Variants in KCNN1 observed in about 807,000 individuals in gnomAD.
KCNN1 encodes small conductance calcium-activated potassium channel protein 1.
Under a neutral mutation model 44.7 loss-of-function variants are expected in KCNN1, and 20 were observed. The observed-to-expected ratio is 0.45, with a 90% CI of 0.32 to 0.65. The LOEUF is 0.65. Among genes scored for constraint, KCNN1 ranks in the 30% least tolerant of loss-of-function variants. The pLI, the probability that KCNN1 is intolerant of heterozygous loss-of-function variation, is 0.05. For missense variants in KCNN1, 632 were observed against 785.3 expected (o/e 0.80, Z 2.33); for synonymous variants, 324 against 341.7 (o/e 0.95, Z 0.57).
chr19:17,980,364 G>T (rs540466887), intron 3 of KCNN1, among the ~76,000 whole-genome samples: 1 of 151,206 alleles, frequency 6.6e-6, no homozygotes, highest in African/African-American at 2.4e-5. Flanking sequence ...TTACAGGCAG[G>T]AGCCACTGCA....
At position 17,983,591 on chromosome 19, in the gene KCNN1, T is replaced by TG. The variant is rs1287106570; in HGVS notation, c.917+1471dup. On this transcript the variant is annotated intron_variant, in intron 4 of 9. Transcript: ENST00000684775. This position sits in a 1 kb window ranked among gnomAD's most constrained non-coding sequence, Gnocchi z 4.5. ...TCCAAGCTGGGTCCTTGCAGGGCTC[T>TG]GGGGGGGTGGGGCACGGGGCAGGGC... is the stretch of plus-strand genomic sequence containing the variant. Among the ~76,000 whole-genome samples the TG allele has an allele frequency of 5.4e-5, 8 of 148,026 alleles. No individual in the cohort carries two copies. The highest frequency in any genetic ancestry group is 2.1e-4 in the South Asian group (1 of 4,692).
At chr19:17,987,857 A>C (rs929076680) in intron 5 of KCNN1, among the ~76,000 whole-genome samples, 4 of 149,368 alleles carry the variant, frequency 2.7e-5, no homozygotes, top group Non-Finnish European at 5.9e-5. Flanking sequence ...AAAAAAAAAA[A>C]CAGGGCCAGG....
Position 17,998,147 on chromosome 19 carries a change from C to A in KCNN1, c.1378-5C>A, listed in dbSNP as rs4808732. 5.1e-6 allele frequency: 8 copies of A among 1,578,970 alleles called. No individual in the cohort carries two copies. Among genetic ancestry groups the A allele is most frequent in the Non-Finnish European group, 6.0e-6 (7 of 1,162,092 alleles). On this transcript the variant is annotated splice_region_variant and splice_polypyrimidine_tract_variant and intron_variant, in intron 9 of 9. Coordinates refer to ENST00000684775, the MANE Select transcript of KCNN1 (RefSeq NM_001386974.1). The surrounding 1 kb of genome is among the most constrained non-coding windows in gnomAD (Gnocchi z 5.4). ...CTCTCTCCTGCCCCTCTCTGTCTCC[C>A]GCAGACCCAGACCGTCATGTACGAC...
In KCNN1 at chr19:17,954,282, C is replaced by A. The variant is rs185274829; in HGVS notation, c.-202-279C>A. Reference sequence around the variant, plus strand: ...GTCCAGCCTGGCCAACACAGCAAAACCCCATCTCTACTAAAAATACAAAAA... The same window carrying A: ...GTCCAGCCTGGCCAACACAGCAAAAACCCATCTCTACTAAAAATACAAAAA... On this transcript the variant is annotated intron_variant, in intron 1 of 10. Coordinates refer to the KCNN1 transcript ENST00000222249. 1.6e-3 allele frequency among the ~76,000 whole-genome samples: 243 copies of A among 152,262 alleles called. 1 individual carries two copies. Among genetic ancestry groups the A allele is most frequent in the African/African-American group, 5.7e-3 (236 of 41,538 alleles).
At chr19:17,954,046 G>A (rs192230966) in intron 1 of KCNN1, among the ~76,000 whole-genome samples, 3 of 152,346 alleles carry the variant, frequency 2.0e-5, no homozygotes, top group Admixed American at 6.5e-5. Flanking sequence ...CTGGAGCCCA[G>A]TGAAAGGAGG....
chr19:17,977,139 G>C (rs1183031698), intron 3 of KCNN1, among the ~76,000 whole-genome samples: 1 of 152,172 alleles, frequency 6.6e-6, no homozygotes, highest in African/African-American at 2.4e-5. Context: ...AGCCATGAGA[G>C]ACAATCCGTC....
intron 3 of KCNN1, among the ~76,000 whole-genome samples, chr19:17,977,225 T>A (rs1197851317): frequency 6.6e-6 from 1 of 152,126 alleles, no homozygotes; most frequent in Non-Finnish European, 1.5e-5. Context: ...GTCACTCCAA[T>A]CTCTGCCTTG....
At chr19:17,969,253 G>A (rs2031926892) in intron 1 of KCNN1, among the ~76,000 whole-genome samples, 1 of 152,172 alleles carries the variant, frequency 6.6e-6, no homozygotes, top group Non-Finnish European at 1.5e-5. Context: ...CTCCCAGAAA[G>A]CAGACCCTGC....
At chr19:17,985,796 G>T (rs1338092888) in intron 5 of KCNN1, among the ~76,000 whole-genome samples, 2 of 152,204 alleles carry the variant, frequency 1.3e-5, no homozygotes, top group African/African-American at 4.8e-5. Flanking sequence ...CACAGCCTTT[G>T]GATCCAGGGC....
chr19:17,972,515 G>C (rs2032056639), intron 1 of KCNN1, among the ~76,000 whole-genome samples: 1 of 152,154 alleles, frequency 6.6e-6, no homozygotes, highest in East Asian at 1.9e-4. Context: ...CTAGATCTTG[G>C]AGTTAAAGCC....
At chr19:17,985,240 C>T (rs1161669929) in intron 4 of KCNN1, 72 bp from the exon 5 acceptor site, 1 of 1,437,248 alleles carries the variant, frequency 7.0e-7, no homozygotes, top group Non-Finnish European at 9.3e-7. Context: ...TGGCGCTGCC[C>T]CAGGGGGTGT....
intron 9 of KCNN1, among the ~76,000 whole-genome samples, chr19:17,995,129 A>G (rs1382714363): frequency 1.3e-5 from 2 of 151,776 alleles, no homozygotes; most frequent in East Asian, 3.9e-4. Context: ...AATGCAATCT[A>G]GCTTAATATT....
intron 1 of KCNN1, among the ~76,000 whole-genome samples, chr19:17,970,953 A>G (rs2032001275): frequency 6.7e-6 from 1 of 149,832 alleles, no homozygotes; most frequent in Non-Finnish European, 1.5e-5. Context: ...GCGTGATCTC[A>G]GCTCACTGCA....
intron 3 of KCNN1, among the ~76,000 whole-genome samples, chr19:17,975,510 TC>T (rs2032177624): frequency 6.6e-6 from 1 of 151,190 alleles, no homozygotes; most frequent in Admixed American, 6.6e-5. Flanking sequence ...AACCTCTGCC[TC>T]CTGGGTTCAA....
chr19:17,951,766 C>T (rs1455119018), intron 1 of KCNN1, among the ~76,000 whole-genome samples: 1 of 152,186 alleles, frequency 6.6e-6, no homozygotes, highest in Non-Finnish European at 1.5e-5. Context: ...CTCTGGGTCC[C>T]CCGATCCTCC....
At chr19:17,956,218 G>A (rs1196937897) in intron 2 of KCNN1, among the ~76,000 whole-genome samples, 4 of 152,146 alleles carry the variant, frequency 2.6e-5, no homozygotes, top group African/African-American at 9.7e-5. Context: ...GATTGCAGGC[G>A]TGAGCCACTG....
chr19:17,987,989 C>G (rs1021612837), intron 5 of KCNN1, among the ~76,000 whole-genome samples: 2 of 151,230 alleles, frequency 1.3e-5, no homozygotes, highest in African/African-American at 4.9e-5. Flanking sequence ...AACAAACACA[C>G]ACACACACAC....
upstream of KCNN1, chr19:17,967,075 G>C: frequency 1.0e-6 from 1 of 975,440 alleles, no homozygotes; most frequent in Non-Finnish European, 1.2e-6. Flanking sequence ...CGGCTCCCGC[G>C]TCGCACCGCC....
In KCNN1 at chr19:17,983,052, G is replaced by A. The variant is rs1332846236; in HGVS notation, c.917+925G>A. ...ACAAATAAATGGGTCTGGGATGAAG[G>A]AAAACCGGCCGTGCCTTTGGGACCT... is the stretch of plus-strand genomic sequence containing the variant. On this transcript the variant is annotated intron_variant, in intron 4 of 9. Transcript: ENST00000684775. This position sits in a 1 kb window ranked among gnomAD's most constrained non-coding sequence, Gnocchi z 4.5. Among the ~76,000 whole-genome samples the A allele has an allele frequency of 6.6e-6, 1 of 151,992 alleles. No homozygotes were observed. Among genetic ancestry groups the A allele is most frequent in the African/African-American group, 2.4e-5 (1 of 41,366 alleles).
Sources: allele counts gnomAD v4.1 joint callset (sites outside exome capture counted in the v4.1 genomes callset), GRCh38; gene constraint gnomAD v4.1.1; non-coding constraint Gnocchi (gnomAD v3.1); transcripts MANE v1.5; gene names NCBI Gene and HGNC (gene_info 2026-07-23, HGNC 2026-07-21).